OSBPL10: variants seen among roughly 807,000 people sequenced by gnomAD.
OSBPL10 encodes the protein oxysterol-binding protein-related protein 10.
Under a neutral mutation model 81.7 loss-of-function variants are expected in OSBPL10, and 49 were observed. That is an observed-to-expected ratio of 0.60 (90% confidence interval 0.48 to 0.76). The LOEUF is 0.76. Among genes scored for constraint, OSBPL10 ranks in the 30% least tolerant of loss-of-function variants. The probability of loss-of-function intolerance (pLI) is 0.00; values close to 1 mark genes in which losing one functional copy is unlikely to be tolerated. For synonymous variants in OSBPL10, 419 were observed against 383.6 expected (o/e 1.09, Z -1.08); for missense variants, 923 against 987.8 (o/e 0.93, Z 0.88).
intron 1 of OSBPL10, among the ~76,000 whole-genome samples, chr3:31,940,589 G>T (rs1697506895): frequency 6.6e-6 from 1 of 152,156 alleles, no homozygotes; most frequent in African/African-American, 2.4e-5. Context: ...TTTCATACCT[G>T]TATGATTCTC....
chr3:31,691,623 C>G (rs112551976), intron 7 of OSBPL10, among the ~76,000 whole-genome samples: 21 of 152,188 alleles, frequency 1.4e-4, no homozygotes, highest in African/African-American at 5.1e-4. Flanking sequence ...TCTTAGCTAT[C>G]TGTAGGCTGA....
intron 3 of OSBPL10, among the ~76,000 whole-genome samples, chr3:31,843,237 C>T (rs1199275422): frequency 1.3e-5 from 2 of 152,224 alleles, no homozygotes; most frequent in Admixed American, 1.3e-4. Flanking sequence ...GTTAACCCCA[C>T]CTACCTCCCA....
chr3:31,828,619 C>G (rs982517906), intron 4 of OSBPL10, among the ~76,000 whole-genome samples: 1 of 152,170 alleles, frequency 6.6e-6, no homozygotes, highest in Non-Finnish European at 1.5e-5. Flanking sequence ...TGCAGCCTCC[C>G]GCTCCTAGGA....
At chr3:31,913,203 G>C (rs375052738) in intron 1 of OSBPL10, among the ~76,000 whole-genome samples, 1 of 151,636 alleles carries the variant, frequency 6.6e-6, no homozygotes, top group Non-Finnish European at 1.5e-5. Context: ...GAGTCAGAAA[G>C]TGTAAATGGA....
intron 4 of OSBPL10, among the ~76,000 whole-genome samples, chr3:31,776,886 T>C (rs1273946793): frequency 6.6e-6 from 1 of 152,126 alleles, no homozygotes; most frequent in East Asian, 1.9e-4. Flanking sequence ...CACAACACTG[T>C]GAATACACTA....
At chr3:31,719,887 C>T (rs1253143775) in intron 6 of OSBPL10, among the ~76,000 whole-genome samples, 1 of 151,758 alleles carries the variant, frequency 6.6e-6, no homozygotes, top group Non-Finnish European at 1.5e-5. Flanking sequence ...ATGATATATT[C>T]ATAGACTGGA....
intron 1 of OSBPL10, among the ~76,000 whole-genome samples, chr3:31,889,907 C>T (rs1299663818): frequency 6.6e-6 from 1 of 151,954 alleles, no homozygotes. Flanking sequence ...ACTATGTAGC[C>T]CATAAATATG....
intron 3 of OSBPL10, among the ~76,000 whole-genome samples, chr3:31,857,816 AAGGGAGAGGGAG>A (rs369541794): frequency 7.7e-4 from 6 of 7,798 alleles, no homozygotes; most frequent in Non-Finnish European, 8.7e-4. Context: ...GAGAGAGAGA[AAGGGAGAGGGAG>A]AGGGAGAGGG....
chr3:31,738,924 A>T (rs1024284961), intron 5 of OSBPL10, among the ~76,000 whole-genome samples: 1 of 152,218 alleles, frequency 6.6e-6, no homozygotes, highest in African/African-American at 2.4e-5. Context: ...TTAAAAAAAA[A>T]ACTGGTAGTA....
intron 1 of OSBPL10, among the ~76,000 whole-genome samples, chr3:31,904,493 G>A (rs930837798): frequency 2.0e-5 from 3 of 152,086 alleles, no homozygotes; most frequent in African/African-American, 7.2e-5. Context: ...TAACCTGAAA[G>A]GGTTGGATGT....
At chr3:31,771,093 C>T (rs936160) in intron 4 of OSBPL10, among the ~76,000 whole-genome samples, 111,993 of 152,176 alleles carry the variant, frequency 0.74, 41,302 homozygotes, top group East Asian at 0.8. Flanking sequence ...AGTCCATATA[C>T]GTGAATCACT....
rs764317484 is a variant in OSBPL10, at chr3:31,812,842, AAG to A, written c.729+17196_729+17197del. On this transcript the variant is annotated intron_variant, in intron 4 of 11. Coordinates refer to ENST00000396556, the MANE Select transcript of OSBPL10 (RefSeq NM_017784.5). ...AGAGAAAGAAAGAAAGAAAGAAAGA[AAG>A]AACGAACTTCTCCAATAACATGTGA... Among the ~76,000 whole-genome samples, 120 of 141,576 alleles carry A rather than the reference AAG, an allele frequency of 8.5e-4. 1 individual carries two copies. The highest frequency in any genetic ancestry group is 1.4e-3 in the Non-Finnish European group (88 of 64,022). 92.9% of individuals were successfully genotyped at this position (141,576 alleles called of 152,430 possible). A position where few individuals can be genotyped will look rare whatever the true frequency, so the allele number is the denominator to read the frequency against.
intron 2 of OSBPL10, among the ~76,000 whole-genome samples, chr3:32,004,275 G>C (rs1187764864): frequency 5.3e-5 from 8 of 152,100 alleles, no homozygotes; most frequent in African/African-American, 1.9e-4. Flanking sequence ...TTTATCCTGA[G>C]GGCAGTGTGG....
At chr3:31,688,281 TCTCACACACACACACACACA>T (rs1224656116) in intron 7 of OSBPL10, among the ~76,000 whole-genome samples, 7 of 113,910 alleles carry the variant, frequency 6.1e-5, no homozygotes, top group South Asian at 3.2e-4. Context: ...TCTCTCTCTC[TCTCACACACACACACACACA>T]CACACACACA....
chr3:32,052,987 ACTTACCTGC>A (rs1218402978), intron 1 of OSBPL10, among the ~76,000 whole-genome samples: 1 of 152,032 alleles, frequency 6.6e-6, no homozygotes, highest in Non-Finnish European at 1.5e-5. Context: ...AAATTGATTG[ACTTACCTGC>A]CTTGGAGCCA....
intron 2 of OSBPL10, among the ~76,000 whole-genome samples, chr3:32,033,010 C>T (rs1039869147): frequency 1.3e-5 from 2 of 152,150 alleles, no homozygotes; most frequent in South Asian, 2.1e-4. Flanking sequence ...TTTCAGTAGT[C>T]ATATTTAGGG....
intron 2 of OSBPL10, 64 bp downstream of exon 2, chr3:31,879,591 A>AC: frequency 1.3e-6 from 2 of 1,506,638 alleles, no homozygotes; most frequent in African/African-American, 2.8e-5. Flanking sequence ...AAATCAAAAA[A>AC]CAAGAGAGCC....
At chr3:31,991,093 TTGAG>T (rs1699022597) in intron 2 of OSBPL10, 5 of 1,045,164 alleles carry the variant, frequency 4.8e-6, no homozygotes, top group Non-Finnish European at 4.2e-6. Context: ...CAGCATTGAC[TTGAG>T]TTTCAGTTGA....
intron 1 of OSBPL10, among the ~76,000 whole-genome samples, chr3:31,894,658 C>T (rs1696001957): frequency 1.3e-5 from 2 of 152,204 alleles, no homozygotes; most frequent in African/African-American, 2.4e-5. Flanking sequence ...CATCCTCATT[C>T]CATTTTTACT....
Sources: allele counts gnomAD v4.1 joint callset (sites outside exome capture counted in the v4.1 genomes callset), GRCh38; gene constraint gnomAD v4.1.1; transcripts MANE v1.5; gene names NCBI Gene and HGNC (gene_info 2026-07-23, HGNC 2026-07-21).